The following CWF19L2 variants were observed in gnomAD, a reference collection of about 807,000 sequenced individuals.
CWF19L2 encodes the protein CWF19 like cell cycle control factor 2.
A neutral mutation model predicts 111.7 loss-of-function variants in CWF19L2; 98 were observed. The ratio of observed to expected loss-of-function variants is 0.88; its 90% CI spans 0.75 to 1.04. The LOEUF is 1.04. CWF19L2 is among the 50% of genes least tolerant of loss of function. The pLI, the probability that CWF19L2 is intolerant of heterozygous loss-of-function variation, is 0.00. For synonymous variants in CWF19L2, 351 were observed against 342.9 expected (o/e 1.02, Z -0.26); for missense variants, 1,101 against 1,051.4 (o/e 1.05, Z -0.65).
At chr11:107,347,367 A>C (rs936424782) in intron 14 of CWF19L2, among the ~76,000 whole-genome samples, 16 of 152,218 alleles carry the variant, frequency 1.1e-4, no homozygotes, top group African/African-American at 3.4e-4. Flanking sequence ...AAAGAGGTGA[A>C]TAATCAAAGA....
At chr11:107,432,908 A>C (rs1447074388) in intron 7 of CWF19L2, among the ~76,000 whole-genome samples, 1 of 152,206 alleles carries the variant, frequency 6.6e-6, no homozygotes, top group Non-Finnish European at 1.5e-5. Flanking sequence ...AAAGCATATA[A>C]ATGGTCATCT....
At chr11:107,448,394 A>C (rs575987442) in intron 3 of CWF19L2, among the ~76,000 whole-genome samples, 1 of 151,460 alleles carries the variant, frequency 6.6e-6, no homozygotes, top group African/African-American at 2.4e-5. Context: ...AGCTCACGAC[A>C]TAGCAATAAA....
Position 107,334,961 on chromosome 11 carries a change from T to A in CWF19L2, c.2359A>T (p.Lys787Ter). The change falls in exon 16 of 18, where the codon AAA becomes TAA. Residue 787 changes from lysine to a stop codon, truncating the protein, a stop_gained and splice_region_variant. Coordinates refer to ENST00000282251, the MANE Select transcript of CWF19L2 (RefSeq NM_152434.3). LOFTEE classifies it high-confidence loss of function. ...VGDMAPIYFK[K>*]AIMESDEEWS... ...TCTTCATCAGATTCCATTATGGCTT[T>A]CTAAGAAATATCCATTTGTTAAGTG... 6.3e-7 allele frequency: 1 copy of A among 1,583,682 alleles called. No homozygotes were observed.
intron 16 of CWF19L2, among the ~76,000 whole-genome samples, chr11:107,333,088 TA>T (rs11212169): frequency 0.27 from 39,006 of 146,280 alleles, 5,266 homozygotes; most frequent in Non-Finnish European, 0.31. Flanking sequence ...AGACTCTGTC[TA>T]AAAAAAAAAA....
At chr11:107,389,942 GT>G in intron 12 of CWF19L2, 131 bp downstream of exon 12, 1 of 742,202 alleles carries the variant, frequency 1.3e-6, no homozygotes, top group Non-Finnish European at 2.1e-6. Context: ...TTTCTAATAA[GT>G]CTTACAAAGG....
chr11:107,406,496 T>C (rs994865248), intron 10 of CWF19L2, among the ~76,000 whole-genome samples: 1 of 152,222 alleles, frequency 6.6e-6, no homozygotes. Context: ...CTGAGATGTA[T>C]GTCCTAGCCC....
At chr11:107,421,694 G>A (rs80135531) in intron 8 of CWF19L2, among the ~76,000 whole-genome samples, 544 of 152,180 alleles carry the variant, frequency 3.6e-3, no homozygotes, top group African/African-American at 0.012. Context: ...AAATTTACAA[G>A]ACTGACCATT....
chr11:107,435,157 T>C (rs1055530900), intron 6 of CWF19L2, among the ~76,000 whole-genome samples: 1 of 152,192 alleles, frequency 6.6e-6, no homozygotes, highest in Admixed American at 6.5e-5. Context: ...CAATCTCTCC[T>C]AATACGACTT....
chr11:107,406,971 A>G (rs1467677199), intron 10 of CWF19L2, among the ~76,000 whole-genome samples: 2 of 151,930 alleles, frequency 1.3e-5, no homozygotes, highest in Admixed American at 6.6e-5. Flanking sequence ...ATTATTTACT[A>G]TTTTTGAGTA....
intron 14 of CWF19L2, among the ~76,000 whole-genome samples, chr11:107,339,492 T>A (rs765997952): frequency 6.6e-6 from 1 of 152,142 alleles, no homozygotes; most frequent in Non-Finnish European, 1.5e-5. Flanking sequence ...CTGGCCAGCA[T>A]CTGGGGTTGT....
chr11:107,428,611 A>AC (rs1351589924), intron 8 of CWF19L2, among the ~76,000 whole-genome samples, 188 bp downstream of exon 8: 1 of 151,988 alleles, frequency 6.6e-6, no homozygotes, highest in Non-Finnish European at 1.5e-5. Context: ...TAAAAAAAAA[A>AC]AAACCTATGA....
chr11:107,408,611 C>T (rs939594128), intron 10 of CWF19L2, among the ~76,000 whole-genome samples: 3 of 151,750 alleles, frequency 2.0e-5, no homozygotes. Flanking sequence ...GAAATAAGCC[C>T]TCTAGTAATG....
intron 3 of CWF19L2, among the ~76,000 whole-genome samples, chr11:107,450,537 G>GTCAA (rs1385051389): frequency 2.0e-5 from 3 of 151,914 alleles, no homozygotes; most frequent in Non-Finnish European, 4.4e-5. Context: ...GCAAGACTCT[G>GTCAA]TCAATCAATC....
In CWF19L2 at chr11:107,329,898, T is replaced by C. The variant is rs779422974; in HGVS notation, c.2541+20A>G. 1.1e-5 allele frequency: 16 copies of C among 1,507,540 alleles called. No individual in the cohort carries two copies. Among genetic ancestry groups the C allele is most frequent in the African/African-American group, 1.4e-5 (1 of 71,152 alleles). 93.4% of individuals were successfully genotyped at this position (1,507,540 alleles called of 1,614,324 possible). On this transcript the variant is annotated intron_variant, in intron 17 of 17. Transcript: ENST00000282251. ...TACCAAATTGCTAACTCTGGGATTT[T>C]ATCAAATTTGTAAGCCTACCTTTCC...
At chr11:107,358,790 C>G (rs952964774) in intron 12 of CWF19L2, among the ~76,000 whole-genome samples, 1 of 152,158 alleles carries the variant, frequency 6.6e-6, no homozygotes, top group Non-Finnish European at 1.5e-5. Flanking sequence ...TTCTGTGAGT[C>G]TTTCCAGTAA....
At chr11:107,355,199 G>A (rs950223289) in intron 12 of CWF19L2, among the ~76,000 whole-genome samples, 5 of 152,026 alleles carry the variant, frequency 3.3e-5, no homozygotes, top group Non-Finnish European at 7.4e-5. Context: ...GGCGGATCAC[G>A]AGGTCCAGGA....
chr11:107,404,222 C>A, intron 10 of CWF19L2: 1 of 777,580 alleles, frequency 1.3e-6, no homozygotes, highest in African/African-American at 1.7e-5. Context: ...TCATTGTACT[C>A]TTTCTGCTTC....
At chr11:107,430,003 C>G (rs79721771) in intron 7 of CWF19L2, among the ~76,000 whole-genome samples, 15,172 of 151,738 alleles carry the variant, frequency 0.1, 1,331 homozygotes, top group African/African-American at 0.22. Flanking sequence ...GATACATGAA[C>G]AATTGATTCT....
chr11:107,363,466 C>T (rs530056203), intron 12 of CWF19L2, among the ~76,000 whole-genome samples: 2,322 of 151,762 alleles, frequency 0.015, 62 homozygotes, highest in African/African-American at 0.053. Flanking sequence ...AGACTACCAG[C>T]GGATCTCTAG....
Sources: allele counts gnomAD v4.1 joint callset (sites outside exome capture counted in the v4.1 genomes callset), GRCh38; gene constraint gnomAD v4.1.1; transcripts MANE v1.5; gene names NCBI Gene and HGNC (gene_info 2026-07-23, HGNC 2026-07-21).